Variants in IPPK observed in about 807,000 individuals in gnomAD.
The protein encoded by IPPK is IPK1 homolog.
IPPK carries 22 observed loss-of-function variants against 64.6 expected under a neutral mutation model. The observed-to-expected ratio is 0.34, with a 90% confidence interval of 0.24 to 0.49. The LOEUF is 0.49. Among genes scored for constraint, IPPK ranks in the 20% least tolerant of loss-of-function variants. The pLI, the probability that IPPK is intolerant of heterozygous loss-of-function variation, is 0.99. For missense variants in IPPK, 532 were observed against 630.7 expected, an observed-to-expected ratio of 0.84 and a Z score of 1.68; for synonymous variants, 262 against 247.2, an observed-to-expected ratio of 1.06 and a Z score of -0.56.
chr9:92,615,040 C>G lies in IPPK; in HGVS notation c.*792G>C, dbSNP rs1295908214. On this transcript the variant is annotated 3_prime_UTR_variant, in exon 13 of 13. Transcript: ENST00000287996. The stretch of plus-strand genomic sequence containing the variant: ...TGAGCTGTTGGGGCACACTGCCCAG[C>G]CCGGCCACAGCAGCTCAGCCAGTCA... The G allele has an allele frequency of 6.6e-6, 1 of 152,336 alleles. No homozygotes were observed. The highest frequency in any genetic ancestry group is 1.5e-5 in the Non-Finnish European group (1 of 68,120). The allele number at this position is 152,336 out of a possible 1,614,324, so 9.4% of individuals were successfully genotyped here. A position where few individuals can be genotyped will look rare whatever the true frequency, so the allele number is the denominator to read the frequency against.
At position 92,644,655 on chromosome 9, in the gene IPPK, C is replaced by G. The variant is rs539039274; in HGVS notation, c.505-1845G>C. Among the ~76,000 whole-genome samples, 5 of 152,276 alleles carry G rather than the reference C, an allele frequency of 3.3e-5. No homozygotes were observed. In the South Asian group the frequency reaches 8.3e-4, roughly 25 times the overall value. ...CATGGTTTCCTTGGAAGGAAACCCACTAGCTGCCCACTAAGCTAACTGAGC... is the reference window on the plus strand; with the variant it reads ...CATGGTTTCCTTGGAAGGAAACCCAGTAGCTGCCCACTAAGCTAACTGAGC... On this transcript the variant is annotated intron_variant, in intron 6 of 12. Coordinates refer to ENST00000287996, the MANE Select transcript of IPPK (RefSeq NM_022755.6).
At chr9:92,664,030 G>T (rs1852542710) in intron 1 of IPPK, among the ~76,000 whole-genome samples, 1 of 152,116 alleles carries the variant, frequency 6.6e-6, no homozygotes, top group South Asian at 2.1e-4. Flanking sequence ...GTCTCAAGAG[G>T]CTGCCCTCCC....
rs144690827 is a variant in IPPK, at chr9:92,630,690, A to C, written c.1170+3696T>G. On this transcript the variant is annotated intron_variant, in intron 11 of 12. Transcript: ENST00000287996. Reference sequence around the variant, plus strand: ...ATTATGACTAAAAAAAAAAATACCAAGACAAACAGAACAATACTGCACATA... The same window carrying C: ...ATTATGACTAAAAAAAAAAATACCACGACAAACAGAACAATACTGCACATA... 6.4e-3 allele frequency among the ~76,000 whole-genome samples: 972 copies of C among 152,276 alleles called. 11 individuals carry two copies. The highest frequency in any genetic ancestry group is 0.022 in the African/African-American group (914 of 41,562).
At chr9:92,644,992 A>G (rs1306597531) in intron 6 of IPPK, among the ~76,000 whole-genome samples, 1 of 152,272 alleles carries the variant, frequency 6.6e-6, no homozygotes, top group East Asian at 1.9e-4. Flanking sequence ...AAATATGCTT[A>G]GAGCTAAAGG....
chr9:92,638,430 T>C, intron 8 of IPPK, 150 bp from the exon 9 acceptor site: 1 of 819,280 alleles, frequency 1.2e-6, no homozygotes. Context: ...ATACTCCGGC[T>C]CCTCCGGGGA....
At chr9:92,664,096 G>A (rs969256718) in intron 1 of IPPK, among the ~76,000 whole-genome samples, 1 of 152,256 alleles carries the variant, frequency 6.6e-6, no homozygotes, top group Non-Finnish European at 1.5e-5. Context: ...GTCCCAGCCA[G>A]AGAAGGCTGC....
chr9:92,627,659 A>G (rs2131425528), intron 11 of IPPK, among the ~76,000 whole-genome samples: 1 of 152,382 alleles, frequency 6.6e-6, no homozygotes, highest in South Asian at 2.1e-4. Context: ...ACACCCTTTC[A>G]GAATAAAAAC....
intron 7 of IPPK, 94 bp from the exon 8 acceptor site, chr9:92,640,876 T>C: frequency 1.1e-6 from 1 of 887,264 alleles, no homozygotes; most frequent in South Asian, 1.3e-5. Flanking sequence ...ACATGCTGGG[T>C]ACTCCCAGGG....
chr9:92,627,634 A>G (rs191119884), intron 11 of IPPK, among the ~76,000 whole-genome samples: 2 of 152,236 alleles, frequency 1.3e-5, no homozygotes, highest in African/African-American at 2.4e-5. Flanking sequence ...TAGAAAAGGC[A>G]TCTAACAGAA....
chr9:92,619,764 G>A (rs1046900726), intron 11 of IPPK, 199 bp from the exon 12 acceptor site: 18 of 596,870 alleles, frequency 3.0e-5, no homozygotes, highest in Non-Finnish European at 4.8e-5. Flanking sequence ...TCAGTGCCAC[G>A]GGGCTGCTCA....
chr9:92,652,708 C>T, intron 3 of IPPK, 69 bp from the exon 4 acceptor site: 1 of 757,046 alleles, frequency 1.3e-6, no homozygotes, highest in Non-Finnish European at 2.2e-6. Flanking sequence ...CACAGAACTG[C>T]ATGCCTAAAA....
intron 6 of IPPK, among the ~76,000 whole-genome samples, chr9:92,646,994 A>T (rs907595859): frequency 6.6e-6 from 1 of 152,216 alleles, no homozygotes; most frequent in East Asian, 1.9e-4. Flanking sequence ...TGAAATAGAA[A>T]ATGGGGGAGA....
chr9:92,660,988 C>T lies in IPPK; in HGVS notation c.82-2307G>A, dbSNP rs554829875. 2.1e-4 allele frequency among the ~76,000 whole-genome samples: 32 copies of T among 152,336 alleles called. No individual in the cohort carries two copies. The South Asian group carries it at 5.8e-3, about 28-fold the overall frequency. ...ATGTCAGAGCCTAAATCATTGAGGACTTAGTCCTCAGTCCTTGTGGATAAT... is the reference window on the plus strand; with the variant it reads ...ATGTCAGAGCCTAAATCATTGAGGATTTAGTCCTCAGTCCTTGTGGATAAT... On this transcript the variant is annotated intron_variant, in intron 1 of 12. Coordinates refer to ENST00000287996, the MANE Select transcript of IPPK (RefSeq NM_022755.6).
In IPPK at chr9:92,614,037, C is replaced by G. The variant is rs1004058432; in HGVS notation, c.*1795G>C. On this transcript the variant is annotated 3_prime_UTR_variant, in exon 13 of 13. Transcript: ENST00000287996. Reference sequence around the variant, plus strand: ...CAGCCCGGGCTGGTGGGAGCCAAGACCAGACAGAGTGGGGGTCTCCATCTG... The same window carrying G: ...CAGCCCGGGCTGGTGGGAGCCAAGAGCAGACAGAGTGGGGGTCTCCATCTG... 2.0e-5 allele frequency: 3 copies of G among 152,306 alleles called. No homozygotes were observed. Among genetic ancestry groups the G allele is most frequent in the African/African-American group, 7.2e-5 (3 of 41,458 alleles). The allele number at this position is 152,306 out of a possible 1,614,324, so 9.4% of individuals were successfully genotyped here.
chr9:92,658,457 A>G (rs1852417035), intron 2 of IPPK, among the ~76,000 whole-genome samples, 177 bp downstream of exon 2: 1 of 152,218 alleles, frequency 6.6e-6, no homozygotes, highest in South Asian at 2.1e-4. Flanking sequence ...CACATGGGTT[A>G]ACGTGCTGGA....
intron 9 of IPPK, 79 bp downstream of exon 9, chr9:92,637,922 G>A (rs117751089): frequency 2.1e-6 from 3 of 1,401,302 alleles, no homozygotes; most frequent in East Asian, 2.5e-5. Flanking sequence ...TGTGCTGACC[G>A]CCTGGCCACC....
intron 11 of IPPK, among the ~76,000 whole-genome samples, chr9:92,631,462 G>A (rs117730573): frequency 0.025 from 3,873 of 152,290 alleles, 85 homozygotes; most frequent in Non-Finnish European, 0.042. Flanking sequence ...GATTATAGGC[G>A]TAAGCTGCCG....
intron 11 of IPPK, among the ~76,000 whole-genome samples, chr9:92,631,068 T>C (rs1167958282): frequency 2.0e-5 from 3 of 152,142 alleles, no homozygotes; most frequent in African/African-American, 7.2e-5. Flanking sequence ...ACATTACAAA[T>C]GTCTGCTGAC....
intron 4 of IPPK, among the ~76,000 whole-genome samples, chr9:92,649,962 G>A (rs1299779196): frequency 6.6e-6 from 1 of 150,380 alleles, no homozygotes; most frequent in Non-Finnish European, 1.5e-5. Context: ...AGAGACGGAG[G>A]TTGTGGTGAG....
Sources: gnomAD v4.1 joint callset for allele counts (sites outside exome capture counted in the v4.1 genomes callset) on GRCh38, gnomAD v4.1.1 for gene constraint, MANE v1.5 for transcripts, NCBI Gene and HGNC (gene_info 2026-07-23, HGNC 2026-07-21) for gene names.